Variants in NRG3 observed in about 807,000 individuals in gnomAD.
The protein encoded by NRG3 is pro-neuregulin-3, membrane-bound isoform.
A neutral mutation model predicts 66.9 loss-of-function variants in NRG3; 31 were observed. That is an observed-to-expected ratio of 0.46 (90% CI 0.35 to 0.63). NRG3 has a LOEUF of 0.63. Among genes scored for constraint, NRG3 ranks in the 20% least tolerant of loss-of-function variants. The probability of loss-of-function intolerance (pLI) is 0.00; values close to 1 mark genes in which losing one functional copy is unlikely to be tolerated. For synonymous variants in NRG3, 393 were observed against 359.4 expected (o/e 1.09, Z -1.06); for missense variants, 910 against 878.9 (o/e 1.04, Z -0.45).
intron 2 of NRG3, among the ~76,000 whole-genome samples, chr10:82,445,517 G>A (rs1017362920): frequency 6.6e-6 from 1 of 152,130 alleles, no homozygotes; most frequent in Non-Finnish European, 1.5e-5. Flanking sequence ...TGTCTAAAAT[G>A]AAATTTTCTG....
At chr10:82,737,475 C>T (rs1249314499) in intron 2 of NRG3, among the ~76,000 whole-genome samples, 1 of 152,126 alleles carries the variant, frequency 6.6e-6, no homozygotes, top group Non-Finnish European at 1.5e-5. Context: ...AGAACGGCCT[C>T]TTTGAATTCT....
At chr10:82,153,663 A>G (rs2070958051) in intron 1 of NRG3, among the ~76,000 whole-genome samples, 1 of 152,024 alleles carries the variant, frequency 6.6e-6, no homozygotes, top group Admixed American at 6.6e-5. Context: ...TGGCTACACT[A>G]ATTTACATTT....
chr10:82,547,437 T>A (rs2043992593), intron 2 of NRG3, among the ~76,000 whole-genome samples: 1 of 150,700 alleles, frequency 6.6e-6, no homozygotes, highest in African/African-American at 2.4e-5. Flanking sequence ...GTATATATAT[T>A]CCATGTATAG....
At chr10:82,379,205 T>A (rs10884635) in intron 2 of NRG3, among the ~76,000 whole-genome samples, 62,427 of 151,846 alleles carry the variant, frequency 0.41, 15,927 homozygotes, top group African/African-American at 0.72. Flanking sequence ...CACCTGTGAC[T>A]CTCACTTCAA....
intron 2 of NRG3, among the ~76,000 whole-genome samples, chr10:82,622,531 T>C (rs2049111044): frequency 6.6e-6 from 1 of 152,170 alleles, no homozygotes; most frequent in Non-Finnish European, 1.5e-5. Flanking sequence ...ACGGTTTGAC[T>C]TACCATTTGT....
At chr10:82,625,578 G>A (rs550395823) in intron 2 of NRG3, among the ~76,000 whole-genome samples, 153 of 152,234 alleles carry the variant, frequency 1.0e-3, no homozygotes, top group Non-Finnish European at 1.8e-3. Flanking sequence ...GAGATGGAGT[G>A]TTTCAGTCCT....
intron 2 of NRG3, among the ~76,000 whole-genome samples, chr10:82,727,923 A>G (rs577617643): frequency 1.3e-5 from 2 of 152,218 alleles, no homozygotes; most frequent in African/African-American, 4.8e-5. Flanking sequence ...ACATGGTGTC[A>G]AAGGAGATCA....
chr10:82,677,916 CGGGCTGCCCACATGCACAGT>C (rs2053832680), intron 2 of NRG3, among the ~76,000 whole-genome samples: 1 of 152,134 alleles, frequency 6.6e-6, no homozygotes, highest in South Asian at 2.1e-4. Flanking sequence ...CCCTTTGGAG[CGGGCTGCCCACATGCACAGT>C]GGCCTGCCAG....
At chr10:82,604,696 A>G (rs2047851616) in intron 2 of NRG3, among the ~76,000 whole-genome samples, 2 of 152,280 alleles carry the variant, frequency 1.3e-5, no homozygotes, top group South Asian at 4.1e-4. Flanking sequence ...AGACCACAAA[A>G]CTATAGTCAA....
At chr10:82,436,720 G>T (rs2090159443) in intron 2 of NRG3, among the ~76,000 whole-genome samples, 1 of 152,126 alleles carries the variant, frequency 6.6e-6, no homozygotes, top group Admixed American at 6.5e-5. Flanking sequence ...AACCCCTGCA[G>T]GGCAGTCCTG....
chr10:82,623,521 A>T (rs2247247), intron 2 of NRG3, among the ~76,000 whole-genome samples: 1 of 151,950 alleles, frequency 6.6e-6, no homozygotes, highest in East Asian at 1.9e-4. Context: ...TCTATGTGCC[A>T]GGCATTATGA....
chr10:82,188,806 G>C (rs1200344572), intron 1 of NRG3, among the ~76,000 whole-genome samples: 1 of 152,092 alleles, frequency 6.6e-6, no homozygotes, highest in Admixed American at 6.6e-5. Flanking sequence ...TATGGGAGAG[G>C]TGAGGGTGGT....
At chr10:82,467,304 C>T (rs1042125792) in intron 2 of NRG3, among the ~76,000 whole-genome samples, 7 of 152,132 alleles carry the variant, frequency 4.6e-5, no homozygotes, top group African/African-American at 1.7e-4. Context: ...TTCCTCTTGC[C>T]CTTATCCAAA....
intron 1 of NRG3, among the ~76,000 whole-genome samples, chr10:82,346,934 C>A (rs374888210): frequency 6.6e-6 from 1 of 151,408 alleles, no homozygotes; most frequent in Non-Finnish European, 1.5e-5. Context: ...TTTTTTATTG[C>A]GTCTATTTGA....
chr10:82,132,204 G>A (rs1024950323), intron 1 of NRG3, among the ~76,000 whole-genome samples: 10 of 151,534 alleles, frequency 6.6e-5, no homozygotes, highest in African/African-American at 2.2e-4. Context: ...GTTGAGATAT[G>A]TTTCTTCCAT....
At chr10:82,204,637 T>A (rs2075026407) in intron 1 of NRG3, among the ~76,000 whole-genome samples, 1 of 152,204 alleles carries the variant, frequency 6.6e-6, no homozygotes, top group African/African-American at 2.4e-5. Flanking sequence ...AGTAGTAATA[T>A]CTCTCCACCA....
intron 1 of NRG3, among the ~76,000 whole-genome samples, chr10:82,158,883 G>T (rs747660671): frequency 6.6e-6 from 1 of 151,758 alleles, no homozygotes; most frequent in Non-Finnish European, 1.5e-5. Flanking sequence ...CTTTCATGGG[G>T]ATTAGTTTAC....
intron 1 of NRG3, among the ~76,000 whole-genome samples, chr10:82,277,869 G>A (rs942719438): frequency 7.2e-5 from 11 of 152,082 alleles, no homozygotes; most frequent in African/African-American, 2.7e-4. Flanking sequence ...CCCTCTGAGG[G>A]AAGCAGTGAG....
At chr10:82,056,592 A>G in intron 1 of NRG3, among the ~76,000 whole-genome samples, 1 of 152,040 alleles carries the variant, frequency 6.6e-6, no homozygotes, top group Non-Finnish European at 1.5e-5. Flanking sequence ...TGTGACACAG[A>G]GCCAGGAACT....
Sources: gnomAD v4.1 joint callset for allele counts (sites outside exome capture counted in the v4.1 genomes callset) on GRCh38, gnomAD v4.1.1 for gene constraint, MANE v1.5 for transcripts, NCBI Gene and HGNC (gene_info 2026-07-23, HGNC 2026-07-21) for gene names.